The following TBC1D5 variants were observed in gnomAD, a reference collection of about 807,000 sequenced individuals.
TBC1D5 encodes the protein TBC1 domain family, member 5.
In TBC1D5, 75 loss-of-function variants were observed where a neutral mutation model predicts 100.3. The observed-to-expected ratio is 0.75, with a 90% CI of 0.62 to 0.91. The LOEUF is 0.91. TBC1D5 is among the 40% of genes least tolerant of loss of function. TBC1D5 has a pLI of 0.00. For missense variants in TBC1D5, 910 were observed against 942.4 expected, an observed-to-expected ratio of 0.97 and a Z score of 0.45; for synonymous variants, 323 against 325.6, an observed-to-expected ratio of 0.99 and a Z score of 0.09.
At chr3:17,410,654 C>A (rs772547732) in intron 4 of TBC1D5, among the ~76,000 whole-genome samples, 2 of 152,038 alleles carry the variant, frequency 1.3e-5, no homozygotes, top group Non-Finnish European at 2.9e-5. Flanking sequence ...TTCCAATCCT[C>A]ATGGATGACT....
intron 13 of TBC1D5, among the ~76,000 whole-genome samples, chr3:17,358,167 A>G (rs1432200381): frequency 8.1e-6 from 1 of 122,756 alleles, no homozygotes; most frequent in Non-Finnish European, 1.8e-5. Context: ...CACAATGTTC[A>G]CTTTTTTTTT....
chr3:17,698,429 CCA>C (rs1359224227), intron 1 of TBC1D5, among the ~76,000 whole-genome samples: 1 of 151,876 alleles, frequency 6.6e-6, no homozygotes, highest in Non-Finnish European at 1.5e-5. Context: ...AGACCTAAAA[CCA>C]TAAAAACCCT....
At chr3:17,528,205 G>T (rs768057272) in intron 2 of TBC1D5, among the ~76,000 whole-genome samples, 1 of 152,116 alleles carries the variant, frequency 6.6e-6, no homozygotes, top group East Asian at 1.9e-4. Flanking sequence ...GACTACAGGC[G>T]TGAGCCACCG....
At position 17,700,798 on chromosome 3, in the gene TBC1D5, G is replaced by T. The variant is rs866636154; in HGVS notation, c.-101+38545C>A. On this transcript the variant is annotated intron_variant, in intron 1 of 21. Coordinates refer to ENST00000253692, the Ensembl canonical transcript of TBC1D5. ...CAATGAGATACCACCTCACACCAGT[G>T]AGAATGGCGATCATTAAAAAGTCAG... Among the ~76,000 whole-genome samples the T allele has an allele frequency of 8.2e-4, 125 of 152,218 alleles. No homozygotes were observed. The Middle Eastern group carries it at 0.024, about 29-fold the overall frequency.
chr3:17,341,584 C>T (rs2088943563), intron 13 of TBC1D5, among the ~76,000 whole-genome samples: 1 of 152,104 alleles, frequency 6.6e-6, no homozygotes. Flanking sequence ...TCAGGTCACA[C>T]AGAGTAAGGA....
At chr3:17,548,257 A>T (rs1330646754) in intron 2 of TBC1D5, among the ~76,000 whole-genome samples, 1 of 152,098 alleles carries the variant, frequency 6.6e-6, no homozygotes, top group Non-Finnish European at 1.5e-5. Flanking sequence ...GGAGGTTGCA[A>T]TGAGCCAAGA....
chr3:17,405,174 A>G (rs184785262), intron 5 of TBC1D5, among the ~76,000 whole-genome samples: 11 of 152,202 alleles, frequency 7.2e-5, no homozygotes, highest in Non-Finnish European at 1.5e-5. Flanking sequence ...AAAAAGCAAG[A>G]TAACAAAAGC....
At chr3:17,544,575 C>T (rs994178440) in intron 2 of TBC1D5, among the ~76,000 whole-genome samples, 1 of 149,212 alleles carries the variant, frequency 6.7e-6, no homozygotes, top group Non-Finnish European at 1.5e-5. Context: ...CTCTTGAACC[C>T]GCGAGGCGGA....
intron 3 of TBC1D5, among the ~76,000 whole-genome samples, chr3:17,449,049 T>C (rs557055942): frequency 6.6e-6 from 1 of 152,166 alleles, no homozygotes; most frequent in East Asian, 1.9e-4. Context: ...TCTCATCTCA[T>C]TGGGACTGGT....
intron 1 of TBC1D5, among the ~76,000 whole-genome samples, chr3:17,735,077 A>C (rs1299618749): frequency 2.0e-5 from 3 of 152,190 alleles, no homozygotes; most frequent in Admixed American, 6.5e-5. Flanking sequence ...TGGGCAACAG[A>C]GCAAGACCTT....
At chr3:17,469,843 C>G (rs2095352723) in intron 3 of TBC1D5, among the ~76,000 whole-genome samples, 1 of 152,222 alleles carries the variant, frequency 6.6e-6, no homozygotes, top group South Asian at 2.1e-4. Context: ...CCCGATCTTC[C>G]AAACACAATT....
chr3:17,603,734 C>T (rs556789308), intron 2 of TBC1D5, among the ~76,000 whole-genome samples: 2 of 152,070 alleles, frequency 1.3e-5, no homozygotes, highest in African/African-American at 2.4e-5. Context: ...GGCGCAATCT[C>T]GGGTCACTAC....
chr3:17,291,195 C>T (rs997980706), intron 15 of TBC1D5, among the ~76,000 whole-genome samples: 5 of 152,320 alleles, frequency 3.3e-5, no homozygotes, highest in Admixed American at 2.6e-4. Context: ...TCTCATACTT[C>T]TTCCAATATT....
chr3:17,292,128 G>C (rs987598411), intron 14 of TBC1D5, 127 bp from the exon 15 acceptor site: 1 of 771,786 alleles, frequency 1.3e-6, no homozygotes, highest in African/African-American at 1.8e-5. Flanking sequence ...TTTGATAAAA[G>C]GGAGTAGGAA....
At chr3:17,611,814 T>C (rs974725363) in intron 2 of TBC1D5, among the ~76,000 whole-genome samples, 3 of 152,232 alleles carry the variant, frequency 2.0e-5, no homozygotes, top group African/African-American at 4.8e-5. Context: ...TTCTATGTTA[T>C]AATGCCTATA....
chr3:17,358,266 C>A (rs1202739017), intron 13 of TBC1D5, among the ~76,000 whole-genome samples: 1 of 152,128 alleles, frequency 6.6e-6, no homozygotes, highest in Non-Finnish European at 1.5e-5. Flanking sequence ...CTCACCACAA[C>A]CTCTGCCTCC....
chr3:17,690,108 T>C (rs373202097), intron 1 of TBC1D5, among the ~76,000 whole-genome samples: 2 of 151,928 alleles, frequency 1.3e-5, no homozygotes, highest in Non-Finnish European at 2.9e-5. Context: ...AAGGAGTAGA[T>C]TGTGATGGCC....
chr3:17,187,374 T>C (rs975982915), intron 18 of TBC1D5, among the ~76,000 whole-genome samples: 8 of 152,274 alleles, frequency 5.3e-5, no homozygotes, highest in Admixed American at 2.6e-4. Context: ...GGCTACAATA[T>C]TGAAAGAAAG....
At chr3:17,166,909 C>G (rs765526839) in exon 21 of TBC1D5, 3 of 1,607,014 alleles carry the variant, frequency 1.9e-6, no homozygotes, top group African/African-American at 2.7e-5. Flanking sequence ...ACGCAGGGAA[C>G]CTTTTAGAAT....
Sources: allele counts gnomAD v4.1 joint callset (sites outside exome capture counted in the v4.1 genomes callset), GRCh38; gene constraint gnomAD v4.1.1; transcripts MANE v1.5; gene names NCBI Gene and HGNC (gene_info 2026-07-23, HGNC 2026-07-21).